The following NDFIP2 variants were observed in gnomAD, a reference collection of about 807,000 sequenced individuals.
NDFIP2 encodes the protein Nedd4 family interacting protein 2.
NDFIP2 carries 19 observed loss-of-function variants against 36.0 expected under a neutral mutation model. The observed-to-expected ratio is 0.53, with a 90% confidence interval of 0.37 to 0.77. The LOEUF is 0.77. NDFIP2 is among the 30% of genes least tolerant of loss of function. The pLI, the probability that NDFIP2 is intolerant of heterozygous loss-of-function variation, is 0.00. For synonymous variants in NDFIP2, 181 were observed against 167.7 expected (o/e 1.08, Z -0.61); for missense variants, 446 against 435.8 (o/e 1.02, Z -0.21).
At chr13:79,487,093 G>A (rs1223274736) in intron 1 of NDFIP2, among the ~76,000 whole-genome samples, 1 of 152,046 alleles carries the variant, frequency 6.6e-6, no homozygotes, top group African/African-American at 2.4e-5. Context: ...ATTTTGGAGA[G>A]ACACAAACAT....
chr13:79,503,952 G>A lies in NDFIP2; in HGVS notation c.322-16858G>A, dbSNP rs143090617. 3.3e-5 allele frequency among the ~76,000 whole-genome samples: 5 copies of A among 152,288 alleles called. No individual in the cohort carries two copies. In the East Asian group the frequency reaches 9.6e-4, roughly 29 times the overall value. ...CTTGTCTTCTTGTTCCCAGATAAGA[G>A]GGAGAGATGTGAGGATTAGCACCCT... On this transcript the variant is annotated intron_variant, in intron 1 of 7. Transcript: ENST00000218652.
intron 1 of NDFIP2, among the ~76,000 whole-genome samples, chr13:79,510,180 G>A (rs1388360571): frequency 1.3e-5 from 2 of 151,964 alleles, no homozygotes; most frequent in Admixed American, 1.3e-4. Context: ...GTTCTTTTTT[G>A]TATGTTTTTT....
At chr13:79,526,106 G>A (rs911605863) in intron 2 of NDFIP2, among the ~76,000 whole-genome samples, 2 of 152,176 alleles carry the variant, frequency 1.3e-5, no homozygotes, top group Non-Finnish European at 2.9e-5. Context: ...TGACTAAGGT[G>A]CTGGTGGTGA....
intron 2 of NDFIP2, 83 bp downstream of exon 2, chr13:79,521,058 G>T: frequency 2.5e-6 from 3 of 1,195,234 alleles, no homozygotes; most frequent in Non-Finnish European, 2.3e-6. Flanking sequence ...GTCTGTTAAT[G>T]GGCTTATAAA....
At chr13:79,521,823 C>CTTTT (rs577691451) in intron 2 of NDFIP2, among the ~76,000 whole-genome samples, 1 of 130,496 alleles carries the variant, frequency 7.7e-6, no homozygotes, top group African/African-American at 2.8e-5. Flanking sequence ...TTTCGTTTTG[C>CTTTT]TTTTTTTTTT....
chr13:79,501,953 C>T (rs995796238), intron 1 of NDFIP2, among the ~76,000 whole-genome samples: 1 of 152,042 alleles, frequency 6.6e-6, no homozygotes, highest in Non-Finnish European at 1.5e-5. Flanking sequence ...GTCATACTTA[C>T]TATGGCCTTG....
Position 79,539,700 on chromosome 13 carries a change from C to T in NDFIP2, c.640C>T (p.Pro214Ser). Residue 214 changes from proline to serine, a missense_variant, in exon 4 of 8, where the codon CCA (proline) becomes TCA (serine). This residue lies in a region of NDFIP2 where 369 missense variants were observed against 304.8 expected (regional missense o/e 1.21). Transcript: ENST00000218652. The part of the protein sequence containing the change: ...TSQRIQEEEC[P>S]PRDDFSDADQ... ...TTTACAGATTCAGGAGGAAGAGTGT[C>T]CACCAAGAGATGACTTCAGTGATGC... 5 of 1,613,540 alleles carry T rather than the reference C, an allele frequency of 3.1e-6. No homozygotes were observed. The highest frequency in any genetic ancestry group is 4.2e-6 in the Non-Finnish European group (5 of 1,179,628).
At chr13:79,494,782 T>G (rs1228749530) in intron 1 of NDFIP2, among the ~76,000 whole-genome samples, 2 of 152,030 alleles carry the variant, frequency 1.3e-5, no homozygotes, top group African/African-American at 4.8e-5. Context: ...AAACATTTTT[T>G]AAGACATTGA....
chr13:79,510,052 A>G (rs1874023571), intron 1 of NDFIP2, among the ~76,000 whole-genome samples: 1 of 152,164 alleles, frequency 6.6e-6, no homozygotes, highest in Non-Finnish European at 1.5e-5. Flanking sequence ...ACTTCAACCA[A>G]GTTGACACTC....
At chr13:79,550,814 C>G (rs1321369638) in intron 6 of NDFIP2, among the ~76,000 whole-genome samples, 1 of 151,428 alleles carries the variant, frequency 6.6e-6, no homozygotes, top group African/African-American at 2.4e-5. Context: ...TTTGGTACAT[C>G]TAGGCTTAAC....
chr13:79,548,319 A>C lies in NDFIP2; in HGVS notation c.841-9A>C. On this transcript the variant is annotated splice_polypyrimidine_tract_variant and intron_variant, in intron 5 of 7. Transcript: ENST00000218652. ...GAATTCGGTTAATATATTTATGTTC[A>C]CTCCATAGTTTTCTGATTATTTTAC... 6.4e-7 allele frequency: 1 copy of C among 1,554,280 alleles called. No individual in the cohort carries two copies. Among genetic ancestry groups the C allele is most frequent in the Non-Finnish European group, 8.8e-7 (1 of 1,138,178 alleles).
Position 79,548,437 on chromosome 13 carries a change from C to G in NDFIP2, c.907+43C>G, listed in dbSNP as rs201935176. ...GCATTTAGTTTAACTTGGATATTTC[C>G]AAAAACTGTAAGATGTAAATAAACT... On this transcript the variant is annotated intron_variant, in intron 6 of 7. Transcript: ENST00000218652. 31 of 1,380,326 alleles carry G rather than the reference C, an allele frequency of 2.2e-5. No homozygotes were observed. In the East Asian group the frequency reaches 6.7e-4, roughly 30 times the overall value. The allele number at this position is 1,380,326 out of a possible 1,614,324, so 85.5% of individuals were successfully genotyped here.
chr13:79,550,766 A>T (rs1248177327), intron 6 of NDFIP2, among the ~76,000 whole-genome samples: 1 of 151,610 alleles, frequency 6.6e-6, no homozygotes, highest in East Asian at 1.9e-4. Context: ...GTATATTTTT[A>T]TGTAATTCTG....
intron 2 of NDFIP2, among the ~76,000 whole-genome samples, chr13:79,533,045 T>C (rs1368279114): frequency 6.6e-6 from 1 of 152,228 alleles, no homozygotes. Flanking sequence ...CTTACTTCTC[T>C]TGTCTGGCAC....
intron 1 of NDFIP2, among the ~76,000 whole-genome samples, chr13:79,502,791 A>G (rs1873716065): frequency 1.3e-5 from 2 of 152,070 alleles, no homozygotes; most frequent in Non-Finnish European, 2.9e-5. Flanking sequence ...ACATACATAT[A>G]TATTTCTTTT....
chr13:79,497,927 A>C (rs1477140095), intron 1 of NDFIP2, among the ~76,000 whole-genome samples: 2 of 151,476 alleles, frequency 1.3e-5, no homozygotes. Context: ...TCTGCAATTT[A>C]GTTAGGAAGC....
At chr13:79,543,176 C>T (rs922690721) in intron 4 of NDFIP2, among the ~76,000 whole-genome samples, 1 of 152,226 alleles carries the variant, frequency 6.6e-6, no homozygotes, top group African/African-American at 2.4e-5. Context: ...TGTGCCTGGC[C>T]TGCTTTACCT....
chr13:79,496,907 C>T (rs1468816265), intron 1 of NDFIP2, among the ~76,000 whole-genome samples: 1 of 151,720 alleles, frequency 6.6e-6, no homozygotes, highest in Non-Finnish European at 1.5e-5. Flanking sequence ...TGCTGAGATT[C>T]CCTGTCTTTT....
chr13:79,510,460 G>C lies in NDFIP2; in HGVS notation c.322-10350G>C, dbSNP rs768837330. Among the ~76,000 whole-genome samples, 41 of 151,564 alleles carry C rather than the reference G, an allele frequency of 2.7e-4. 1 individual carries two copies. Among genetic ancestry groups the C allele is most frequent in the Middle Eastern group, 3.4e-3 (1 of 292 alleles). On this transcript the variant is annotated intron_variant, in intron 1 of 7. Transcript: ENST00000218652. ...ACTACTTCCCCATTGCCTTCCGAAA[G>C]TTCTCTGAAAAATCAGCTGACTAAA... is the stretch of plus-strand genomic sequence containing the variant.
Sources: gnomAD v4.1 joint callset for allele counts (sites outside exome capture counted in the v4.1 genomes callset) on GRCh38, gnomAD v4.1.1 for gene constraint, gnomAD v4.1.1 regional missense constraint, MANE v1.5 for transcripts, NCBI Gene and HGNC (gene_info 2026-07-23, HGNC 2026-07-21) for gene names.